The following LRRK1 variants were observed in gnomAD, a reference collection of about 807,000 sequenced individuals.
The protein encoded by LRRK1 is leucine-rich repeat serine/threonine-protein kinase 1.
A neutral mutation model predicts 209.1 loss-of-function variants in LRRK1; 113 were observed. The observed-to-expected ratio is 0.54, with a 90% CI of 0.46 to 0.63. The LOEUF (loss-of-function observed/expected upper bound fraction) is 0.63. Ranked by LOEUF, LRRK1 falls within the 30% of genes least tolerant of loss-of-function variation. The probability of loss-of-function intolerance (pLI) is 0.00; values close to 1 mark genes in which losing one functional copy is unlikely to be tolerated. For synonymous variants in LRRK1, 1,144 were observed against 1,099.7 expected (o/e 1.04, Z -0.80); for missense variants, 2,284 against 2,632.2 (o/e 0.87, Z 2.89).
Position 100,973,850 on chromosome 15 carries a change from T to G in LRRK1, c.144T>G (p.Pro48=). The G allele has an allele frequency of 1.5e-6, 2 of 1,291,864 alleles. No individual in the cohort carries two copies. The highest frequency in any genetic ancestry group is 2.0e-6 in the Non-Finnish European group (2 of 1,015,928). The allele number at this position is 1,291,864 out of a possible 1,614,324, so 80.0% of individuals were successfully genotyped here. ...GGKPSTRGGD[P]AARSRRTEGI... ...AGCCGTCCACGCGGGGCGGTGACCCTGCAGCGCGGTCCCGCAGGACGGAAG... is the reference window on the plus strand; with the variant it reads ...AGCCGTCCACGCGGGGCGGTGACCCGGCAGCGCGGTCCCGCAGGACGGAAG... The change falls in exon 3 of 34, where the codon CCT becomes CCG. Residue 48 remains proline, a synonymous_variant. Transcript: ENST00000388948.
At position 101,023,071 on chromosome 15, in the gene LRRK1, C is replaced by G. The variant is rs530280096; in HGVS notation, c.2067+474C>G. ...TCAAGTGGTCTGGGATAAGGCACCCCCAGGGCTGAGAGCTAACCACTGTTG... is the reference window on the plus strand; with the variant it reads ...TCAAGTGGTCTGGGATAAGGCACCCGCAGGGCTGAGAGCTAACCACTGTTG... On this transcript the variant is annotated intron_variant, in intron 15 of 33. Coordinates refer to ENST00000388948, the MANE Select transcript of LRRK1 (RefSeq NM_024652.6). Among the ~76,000 whole-genome samples, 5 of 152,252 alleles carry G rather than the reference C, an allele frequency of 3.3e-5. No homozygotes were observed. In the South Asian group the frequency reaches 1.0e-3, roughly 32 times the overall value.
intron 19 of LRRK1, among the ~76,000 whole-genome samples, chr15:101,028,526 G>C (rs2034144252): frequency 6.6e-6 from 1 of 152,200 alleles, no homozygotes; most frequent in Non-Finnish European, 1.5e-5. Flanking sequence ...CACTAAGCAG[G>C]CAGCTGTTTT....
At position 101,056,785 on chromosome 15, in the gene LRRK1, C is replaced by G. The variant is rs781775372; in HGVS notation, c.4333-71C>G. The G allele has an allele frequency of 2.3e-6, 3 of 1,288,566 alleles. No individual in the cohort carries two copies. In the African/African-American group the frequency reaches 4.5e-5, roughly 19 times the overall value. The allele number at this position is 1,288,566 out of a possible 1,614,324, so 79.8% of individuals were successfully genotyped here. A position where few individuals can be genotyped will look rare whatever the true frequency, so the allele number is the denominator to read the frequency against. On this transcript the variant is annotated intron_variant, in intron 27 of 33. Transcript: ENST00000388948. Reference sequence around the variant, plus strand: ...GTCTAATTGTGTCTCCCTGGTCCCTCCACCTGAGGGCCACCTTGTGAAGGC... The same window carrying G: ...GTCTAATTGTGTCTCCCTGGTCCCTGCACCTGAGGGCCACCTTGTGAAGGC...
At position 101,027,714 on chromosome 15, in the gene LRRK1, A is replaced by G. The variant is rs560090431; in HGVS notation, c.2603A>G (p.Gln868Arg). 2.5e-6 allele frequency: 4 copies of G among 1,612,494 alleles called. No homozygotes were observed. Among genetic ancestry groups the G allele is most frequent in the African/African-American group, 2.7e-5 (2 of 74,930 alleles). The change falls in exon 19 of 34, where the codon CAG becomes CGG. Residue 868 changes from glutamine to arginine, a missense_variant. By Grantham distance (43) the Gln-to-Arg change is conservative. Transcript: ENST00000388948. The surrounding 1 kb of genome is among the most constrained non-coding windows in gnomAD (Gnocchi z 5.1). ...QQRRSRDDDVQYLTDRQLEQL... is the reference protein window; with the variant it reads ...QQRRSRDDDVRYLTDRQLEQL... ...CGCCGCAGCCGGGACGACGACGTGC[A>G]GTACCTGACGGACAGGCAGCTGGAG...
At chr15:100,962,974 C>T (rs1271057368) in intron 2 of LRRK1, among the ~76,000 whole-genome samples, 1 of 149,588 alleles carries the variant, frequency 6.7e-6, no homozygotes, top group Non-Finnish European at 1.5e-5. Context: ...CAGGCATGCA[C>T]CACCATGCCT....
intron 10 of LRRK1, among the ~76,000 whole-genome samples, 194 bp from the exon 11 acceptor site, chr15:101,014,122 C>G (rs1489160411): frequency 6.6e-6 from 1 of 152,214 alleles, no homozygotes; most frequent in African/African-American, 2.4e-5. Flanking sequence ...ATAGATGGCC[C>G]CGTCGCACTG....
intron 6 of LRRK1, among the ~76,000 whole-genome samples, chr15:100,997,977 G>A (rs1349202978): frequency 6.6e-6 from 1 of 152,014 alleles, no homozygotes; most frequent in South Asian, 2.1e-4. Flanking sequence ...TTAGGAGTTC[G>A]AGACCAGCCT....
At position 101,065,336 on chromosome 15, in the gene LRRK1, T is replaced by C. The variant is rs773927507; in HGVS notation, c.4915-16T>C. 8 of 1,608,306 alleles carry C rather than the reference T, an allele frequency of 5.0e-6. No homozygotes were observed. In the Admixed American group the frequency reaches 1.2e-4, roughly 23 times the overall value. On this transcript the variant is annotated splice_polypyrimidine_tract_variant and intron_variant, in intron 31 of 33. Transcript: ENST00000388948. ...GAAATGGAAGGATGTGACACATCCC[T>C]GTCTCCTTCCTTCAGAATTCCTACC...
Position 100,989,301 on chromosome 15 carries a change from C to G in LRRK1, c.665C>G (p.Ser222Cys), listed in dbSNP as rs1253523506. Residue 222 changes from serine (S) to cysteine (C), a missense_variant, in exon 6 of 34, where the codon TCC becomes TGC. By Grantham distance (112) the Ser-to-Cys change is moderately radical. Around this residue, in one of 6 missense-constraint regions of LRRK1, gnomAD observed 134 missense variants for 191.7 expected, o/e 0.70. Transcript: ENST00000388948. ...FLLRHGAYFC[S>C]YILLDSPDPS... ...CTTCGGCATGGGGCCTATTTCTGTT[C>G]CTACATCTTGCTGGATAGTCCTGAC... 1.2e-6 allele frequency: 2 copies of G among 1,613,972 alleles called. No homozygotes were observed. The highest frequency in any genetic ancestry group is 1.7e-6 in the Non-Finnish European group (2 of 1,179,920).
intron 26 of LRRK1, among the ~76,000 whole-genome samples, chr15:101,053,839 G>A (rs139347110): frequency 3.9e-5 from 6 of 152,298 alleles, no homozygotes; most frequent in Admixed American, 1.3e-4. Context: ...ATAAAATGTC[G>A]AAGTAATTTA....
chr15:100,936,994 C>T (rs1596166129), intron 2 of LRRK1, among the ~76,000 whole-genome samples: 3 of 152,194 alleles, frequency 2.0e-5, no homozygotes, highest in Admixed American at 6.5e-5. Flanking sequence ...AAGCAGAATA[C>T]ATCACTTTGC....
At chr15:101,002,752 G>C (rs1226187331) in intron 6 of LRRK1, among the ~76,000 whole-genome samples, 1 of 152,030 alleles carries the variant, frequency 6.6e-6, no homozygotes, top group Non-Finnish European at 1.5e-5. Context: ...TTTTTATTTT[G>C]AGATGGAATC....
intron 31 of LRRK1, chr15:101,064,304 C>G (rs1229924837): frequency 1.3e-5 from 2 of 153,600 alleles, no homozygotes; most frequent in Non-Finnish European, 2.9e-5. Flanking sequence ...TGAGCTCCCC[C>G]AGCTCCCCAC....
intron 29 of LRRK1, among the ~76,000 whole-genome samples, chr15:101,058,543 G>T (rs966828624): frequency 7.0e-6 from 1 of 143,634 alleles, no homozygotes; most frequent in Non-Finnish European, 1.5e-5. Flanking sequence ...TTTTAAAAAC[G>T]AAATGAGGCC....
intron 16 of LRRK1, among the ~76,000 whole-genome samples, chr15:101,025,354 C>G (rs945887649): frequency 6.6e-6 from 1 of 152,216 alleles, no homozygotes; most frequent in African/African-American, 2.4e-5. Flanking sequence ...ACCATAGACA[C>G]CCCTCAATGC....
chr15:101,076,894 C>T lies in LRRK1; in HGVS notation c.*8046C>T, dbSNP rs916816092. On this transcript the variant is annotated 3_prime_UTR_variant, in exon 34 of 34. Coordinates refer to ENST00000388948, the MANE Select transcript of LRRK1 (RefSeq NM_024652.6). ...GGCCACCATGGTCATTTCTTCCCTT[C>T]TGTCAAACATAATTCCTCGGTTTGG... is the stretch of plus-strand genomic sequence containing the variant. 2.0e-5 allele frequency: 3 copies of T among 152,242 alleles called. No homozygotes were observed. The highest frequency in any genetic ancestry group is 1.3e-4 in the Admixed American group (2 of 15,288). The allele number at this position is 152,242 out of a possible 1,614,324, so 9.4% of individuals were successfully genotyped here. A position where few individuals can be genotyped will look rare whatever the true frequency, so the allele number is the denominator to read the frequency against.
At chr15:100,935,415 G>A (rs1313491719) in intron 2 of LRRK1, among the ~76,000 whole-genome samples, 1 of 152,180 alleles carries the variant, frequency 6.6e-6, no homozygotes, top group African/African-American at 2.4e-5. Context: ...GAATGAGCTC[G>A]GTAGGTTTGA....
chr15:101,045,303 G>C (rs1483829106), intron 20 of LRRK1, among the ~76,000 whole-genome samples: 1 of 152,244 alleles, frequency 6.6e-6, no homozygotes, highest in Non-Finnish European at 1.5e-5. Context: ...CCTGTCCAGT[G>C]CCTGCCCCCG....
chr15:100,985,837 C>G (rs1022364457), intron 4 of LRRK1, among the ~76,000 whole-genome samples: 2 of 152,040 alleles, frequency 1.3e-5, no homozygotes, highest in Non-Finnish European at 2.9e-5. Context: ...CCCTGCACTT[C>G]CTGCAAAGGA....
Sources: gnomAD v4.1 joint callset for allele counts (sites outside exome capture counted in the v4.1 genomes callset) on GRCh38, gnomAD v4.1.1 for gene constraint, gnomAD v4.1.1 regional missense constraint, Gnocchi (gnomAD v3.1) non-coding constraint, MANE v1.5 for transcripts, NCBI Gene and HGNC (gene_info 2026-07-23, HGNC 2026-07-21) for gene names.